PRKN: variants seen among roughly 807,000 people sequenced by gnomAD.
The protein encoded by PRKN is E3 ubiquitin-protein ligase parkin.
A neutral mutation model predicts 59.5 loss-of-function variants in PRKN; 56 were observed. The observed-to-expected ratio is 0.94, with a 90% CI of 0.76 to 1.18. The LOEUF is 1.18. Ranked by LOEUF, PRKN falls within the 50% of genes most tolerant of loss-of-function variation. The pLI is 0.00. For missense variants in PRKN, 657 were observed against 596.4 expected, an observed-to-expected ratio of 1.10 and a Z score of -1.06; for synonymous variants, 250 against 222.1, an observed-to-expected ratio of 1.13 and a Z score of -1.12.
chr6:162,700,047 C>A (rs1193253300), intron 1 of PRKN, among the ~76,000 whole-genome samples: 1 of 152,138 alleles, frequency 6.6e-6, no homozygotes, highest in African/African-American at 2.4e-5. Context: ...TAACTTCTAT[C>A]TTCCATGTTC....
chr6:161,769,112 T>C (rs1440943351), intron 7 of PRKN, among the ~76,000 whole-genome samples: 1 of 152,242 alleles, frequency 6.6e-6, no homozygotes, highest in East Asian at 1.9e-4. Flanking sequence ...AATTAATTAT[T>C]CCTATATCAA....
intron 4 of PRKN, among the ~76,000 whole-genome samples, chr6:162,091,200 C>A (rs1386893108): frequency 1.3e-5 from 2 of 151,380 alleles, no homozygotes; most frequent in Non-Finnish European, 2.9e-5. Flanking sequence ...TCTAACTATA[C>A]TTTGTAGTTA....
chr6:162,471,185 C>A (rs953437286), intron 1 of PRKN, among the ~76,000 whole-genome samples: 1 of 151,908 alleles, frequency 6.6e-6, no homozygotes. Context: ...GCAACATCCA[C>A]CTCCCGGGTT....
intron 4 of PRKN, among the ~76,000 whole-genome samples, chr6:162,114,215 T>C (rs1583052667): frequency 6.6e-6 from 1 of 152,274 alleles, no homozygotes; most frequent in East Asian, 1.9e-4. Flanking sequence ...TTTGGTTCCA[T>C]ATGAACTTTA....
At chr6:162,496,100 G>A (rs760367471) in intron 1 of PRKN, among the ~76,000 whole-genome samples, 2 of 152,036 alleles carry the variant, frequency 1.3e-5, no homozygotes, top group Non-Finnish European at 2.9e-5. Context: ...AGTCAGGCAT[G>A]GTGGCGAGCA....
intron 4 of PRKN, among the ~76,000 whole-genome samples, chr6:162,103,205 A>G (rs1236214799): frequency 6.6e-6 from 1 of 152,150 alleles, no homozygotes; most frequent in East Asian, 1.9e-4. Flanking sequence ...AAAAAAAAGA[A>G]AAAGAAAAAA....
At chr6:161,534,985 G>A (rs144879177) in intron 9 of PRKN, among the ~76,000 whole-genome samples, 1,886 of 152,296 alleles carry the variant, frequency 0.012, 20 homozygotes, top group East Asian at 0.028. Flanking sequence ...CAAGTGCTAC[G>A]TGAAATACCA....
At chr6:162,238,912 G>A (rs1311851287) in intron 3 of PRKN, among the ~76,000 whole-genome samples, 1 of 152,146 alleles carries the variant, frequency 6.6e-6, no homozygotes, top group East Asian at 1.9e-4. Flanking sequence ...GGTCTCCTCT[G>A]GTCGTGGCTG....
At chr6:162,482,197 T>C (rs1417782099) in intron 1 of PRKN, among the ~76,000 whole-genome samples, 1 of 152,192 alleles carries the variant, frequency 6.6e-6, no homozygotes, top group Non-Finnish European at 1.5e-5. Flanking sequence ...TCCTTTTCAA[T>C]GATCTCCATG....
At chr6:161,381,790 G>A (rs967920790) in intron 10 of PRKN, among the ~76,000 whole-genome samples, 2 of 152,082 alleles carry the variant, frequency 1.3e-5, no homozygotes, top group East Asian at 3.9e-4. Flanking sequence ...TACAGGATGC[G>A]ACAGGCACAA....
In PRKN at chr6:161,590,735, CA is replaced by C. The variant is rs367972243; in HGVS notation, c.872-21320del. 7.9e-3 allele frequency among the ~76,000 whole-genome samples: 785 copies of C among 99,450 alleles called. 5 individuals carry two copies. The highest frequency in any genetic ancestry group is 0.025 in the African/African-American group (631 of 25,438). 65.2% of individuals were successfully genotyped at this position (99,450 alleles called of 152,430 possible). A position where few individuals can be genotyped will look rare whatever the true frequency, so the allele number is the denominator to read the frequency against. The stretch of plus-strand genomic sequence containing the variant: ...GTGACGACAGAGTGAGACTCTGTCT[CA>C]AAAAAAAAAAAAAAATTGCATAACT... On this transcript the variant is annotated intron_variant, in intron 7 of 11. Transcript: ENST00000366898.
At chr6:162,590,486 A>T (rs993607927) in intron 1 of PRKN, among the ~76,000 whole-genome samples, 1 of 152,206 alleles carries the variant, frequency 6.6e-6, no homozygotes, top group Non-Finnish European at 1.5e-5. Context: ...TAAAGCAGAA[A>T]ACAAGTGGCT....
chr6:162,234,357 A>G (rs996817533), intron 3 of PRKN, among the ~76,000 whole-genome samples: 1 of 152,168 alleles, frequency 6.6e-6, no homozygotes, highest in Non-Finnish European at 1.5e-5. Flanking sequence ...TTCAGTTTAT[A>G]TACTAAAAGG....
chr6:162,532,097 C>T lies in PRKN; in HGVS notation c.8-88624G>A, dbSNP rs544403238. Among the ~76,000 whole-genome samples the T allele has an allele frequency of 1.8e-4, 25 of 136,412 alleles. No individual in the cohort carries two copies. In the South Asian group the frequency reaches 5.9e-3, roughly 32 times the overall value. The allele number at this position is 136,412 out of a possible 152,430, so 89.5% of individuals were successfully genotyped here. On this transcript the variant is annotated intron_variant, in intron 1 of 11. Transcript: ENST00000366898. ...TTGGCCTACAGCAAAATATATTTCC[C>T]CTATTTACCCAAATGGAAGAAGTTT...
chr6:162,400,777 C>T (rs1467328926), intron 2 of PRKN, among the ~76,000 whole-genome samples: 1 of 152,038 alleles, frequency 6.6e-6, no homozygotes, highest in Non-Finnish European at 1.5e-5. Flanking sequence ...TTCTCAAATG[C>T]TTATGGAACA....
At chr6:162,203,903 A>G (rs1784834282) in intron 3 of PRKN, among the ~76,000 whole-genome samples, 1 of 152,168 alleles carries the variant, frequency 6.6e-6, no homozygotes, top group Admixed American at 6.5e-5. Flanking sequence ...TTTGAAACAT[A>G]GAGAGATATT....
intron 9 of PRKN, among the ~76,000 whole-genome samples, chr6:161,532,833 C>T (rs1393177898): frequency 6.6e-6 from 1 of 152,082 alleles, no homozygotes; most frequent in Non-Finnish European, 1.5e-5. Flanking sequence ...TTATACCTGC[C>T]ACCACTTCTC....
intron 6 of PRKN, among the ~76,000 whole-genome samples, chr6:161,944,030 AATC>A (rs1779681513): frequency 5.9e-5 from 8 of 136,582 alleles, no homozygotes; most frequent in African/African-American, 1.4e-4. Context: ...CAGCCTGAGG[AATC>A]AGCCTGAGGG....
chr6:162,535,619 G>A (rs565768147), intron 1 of PRKN, among the ~76,000 whole-genome samples: 1 of 151,904 alleles, frequency 6.6e-6, no homozygotes, highest in South Asian at 2.1e-4. Flanking sequence ...GTTAAAATAT[G>A]GCATGAGGAC....
Sources: gnomAD v4.1 joint callset for allele counts (sites outside exome capture counted in the v4.1 genomes callset) on GRCh38, gnomAD v4.1.1 for gene constraint, MANE v1.5 for transcripts, NCBI Gene and HGNC (gene_info 2026-07-23, HGNC 2026-07-21) for gene names.